The following TRIO variants were observed in gnomAD, a reference collection of about 807,000 sequenced individuals.
TRIO encodes trio Rho guanine nucleotide exchange factor, also known as triple functional domain protein.
In TRIO, 58 loss-of-function variants were observed where a neutral mutation model predicts 351.9. The ratio of observed to expected loss-of-function variants is 0.16; its 90% CI spans 0.13 to 0.21. TRIO has a LOEUF of 0.21. TRIO is among the 10% of genes least tolerant of loss of function. The pLI, the probability that TRIO is intolerant of heterozygous loss-of-function variation, is 1.00. For missense variants in TRIO, 3,201 were observed against 4,027.8 expected, an observed-to-expected ratio of 0.79 and a Z score of 5.56; for synonymous variants, 1,758 against 1,595.7, an observed-to-expected ratio of 1.10 and a Z score of -2.42.
intron 41 of TRIO, among the ~76,000 whole-genome samples, chr5:14,478,426 T>G (rs1017810999): frequency 1.2e-4 from 18 of 152,202 alleles, no homozygotes; most frequent in African/African-American, 4.3e-4. Context: ...TAGTGGTATT[T>G]AGAAAATAGT....
At chr5:14,254,269 C>G (rs998459632) in intron 1 of TRIO, among the ~76,000 whole-genome samples, 1 of 151,740 alleles carries the variant, frequency 6.6e-6, no homozygotes, top group Non-Finnish European at 1.5e-5. Flanking sequence ...CTGCAGCCTC[C>G]GCCTCCCAGG....
At chr5:14,296,291 C>G (rs946252451) in intron 6 of TRIO, among the ~76,000 whole-genome samples, 10 of 152,170 alleles carry the variant, frequency 6.6e-5, no homozygotes, top group Admixed American at 1.3e-4. Context: ...ACAGCAACTT[C>G]GGATTTGCTG....
intron 18 of TRIO, among the ~76,000 whole-genome samples, chr5:14,371,151 T>A (rs762266152): frequency 3.9e-5 from 6 of 152,230 alleles, no homozygotes; most frequent in Non-Finnish European, 4.4e-5. Context: ...AGGCTTAAAT[T>A]GAGCACTTTT....
intron 3 of TRIO, among the ~76,000 whole-genome samples, chr5:14,280,673 G>T (rs1292460485): frequency 6.6e-6 from 1 of 152,188 alleles, no homozygotes; most frequent in East Asian, 1.9e-4. Context: ...GTGGATCTGG[G>T]ATACTCAGCT....
intron 6 of TRIO, among the ~76,000 whole-genome samples, chr5:14,294,947 T>A (rs1737217232): frequency 6.6e-6 from 1 of 152,128 alleles, no homozygotes; most frequent in African/African-American, 2.4e-5. Flanking sequence ...TCGAATATAT[T>A]TTCTAATTTT....
chr5:14,281,427 C>T (rs368641432), intron 3 of TRIO, among the ~76,000 whole-genome samples: 3 of 41,870 alleles, frequency 7.2e-5, no homozygotes, highest in Non-Finnish European at 1.7e-4. Flanking sequence ...CGTTAGAACC[C>T]CCCCCCCCCG....
intron 18 of TRIO, among the ~76,000 whole-genome samples, chr5:14,371,395 A>G (rs553344931): frequency 6.6e-6 from 1 of 152,304 alleles, no homozygotes; most frequent in East Asian, 1.9e-4. Context: ...AAAAGGAGAG[A>G]GAATGGATTC....
Position 14,509,795 on chromosome 5 carries a change from G to A in TRIO, c.*1373G>A, listed in dbSNP as rs1452314327. ...GGAGGCTGGGTTTCTGGGCACCCTC[G>A]AAGTTTTCTGGATGTCTTTTTATCT... On this transcript the variant is annotated 3_prime_UTR_variant, in exon 57 of 57. Transcript: ENST00000344204. The A allele has an allele frequency of 5.2e-6, 1 of 190,770 alleles. No individual in the cohort carries two copies. The highest frequency in any genetic ancestry group is 1.1e-5 in the Non-Finnish European group (1 of 92,472). The allele number at this position is 190,770 out of a possible 1,614,324, so 11.8% of individuals were successfully genotyped here.
chr5:14,182,241 A>C (rs1789825958), intron 1 of TRIO, among the ~76,000 whole-genome samples: 1 of 152,184 alleles, frequency 6.6e-6, no homozygotes, highest in African/African-American at 2.4e-5. Context: ...CTCTGCTGTG[A>C]GGCTCAGGGA....
rs1466367699 is a variant in TRIO, at chr5:14,507,992, A to G, written c.8864A>G (p.Asn2955Ser). The G allele has an allele frequency of 6.2e-7, 1 of 1,614,202 alleles. No individual in the cohort carries two copies. Among genetic ancestry groups the G allele is most frequent in the East Asian group, 2.2e-5 (1 of 44,884 alleles). The change falls in exon 57 of 57, where the codon AAC becomes AGC. Residue 2955 changes from asparagine to serine, a missense_variant. Around this residue, in one of 19 missense-constraint regions of TRIO, gnomAD observed 233 missense variants for 292.6 expected, o/e 0.80. Coordinates refer to ENST00000344204, the MANE Select transcript of TRIO (RefSeq NM_007118.4). The part of the protein sequence containing the change: ...TTYYIHQLLG[N>S]PEFAAPEIIL... ...TACTACATCCACCAGTTACTGGGGA[A>G]CCCTGAATTCGCAGCCCCTGAAATC...
chr5:14,175,176 A>G (rs532247104), intron 1 of TRIO, among the ~76,000 whole-genome samples: 4 of 152,292 alleles, frequency 2.6e-5, no homozygotes, highest in African/African-American at 9.6e-5. Context: ...TACTCCCCCA[A>G]AATTGCTGGT....
chr5:14,184,490 T>C (rs28010), intron 1 of TRIO, among the ~76,000 whole-genome samples: 122,582 of 152,278 alleles, frequency 0.8, 49,973 homozygotes, highest in East Asian at 0.99. Flanking sequence ...CTATAAAGCT[T>C]CAGTGGACTG....
intron 18 of TRIO, among the ~76,000 whole-genome samples, chr5:14,373,500 A>G (rs1338843884): frequency 1.3e-5 from 2 of 152,216 alleles, no homozygotes; most frequent in Non-Finnish European, 1.5e-5. Context: ...TTTCCAATTC[A>G]CATATAATTA....
At chr5:14,215,329 T>G (rs763373768) in intron 1 of TRIO, among the ~76,000 whole-genome samples, 5 of 152,242 alleles carry the variant, frequency 3.3e-5, no homozygotes, top group African/African-American at 7.2e-5. Flanking sequence ...GACTTTGTTA[T>G]TCGTGTCTGC....
At chr5:14,182,437 G>T (rs150862973) in intron 1 of TRIO, among the ~76,000 whole-genome samples, 2 of 152,224 alleles carry the variant, frequency 1.3e-5, no homozygotes, top group Non-Finnish European at 2.9e-5. Context: ...AGGTGGAATA[G>T]CAAAGTTTTA....
At chr5:14,415,142 C>G (rs1023073888) in intron 33 of TRIO, among the ~76,000 whole-genome samples, 3 of 152,184 alleles carry the variant, frequency 2.0e-5, no homozygotes, top group Non-Finnish European at 4.4e-5. Flanking sequence ...AGTTAATACA[C>G]TTTGTTCTTT....
intron 56 of TRIO, among the ~76,000 whole-genome samples, chr5:14,507,481 T>C (rs1329877166): frequency 6.6e-6 from 1 of 152,160 alleles, no homozygotes; most frequent in African/African-American, 2.4e-5. Flanking sequence ...GCCGGAGCCC[T>C]CCCAGCCTTC....
chr5:14,294,308 AG>A (rs1195640451), intron 6 of TRIO, among the ~76,000 whole-genome samples: 2 of 152,228 alleles, frequency 1.3e-5, no homozygotes, highest in Non-Finnish European at 1.5e-5. Context: ...TTCAAAGATA[AG>A]ATTTTGCAAT....
chr5:14,146,258 C>G (rs540138658), intron 1 of TRIO, among the ~76,000 whole-genome samples: 2 of 152,252 alleles, frequency 1.3e-5, no homozygotes, highest in South Asian at 4.2e-4. Flanking sequence ...TCAAATCCAT[C>G]AGAAATCTGG....
Sources: allele counts gnomAD v4.1 joint callset (sites outside exome capture counted in the v4.1 genomes callset), GRCh38; gene constraint gnomAD v4.1.1; regional missense constraint gnomAD v4.1.1; transcripts MANE v1.5; gene names NCBI Gene and HGNC (gene_info 2026-07-23, HGNC 2026-07-21).